The following PKN2 variants were observed in gnomAD, a reference collection of about 807,000 sequenced individuals.
The protein encoded by PKN2 is protein kinase N2, also known as serine/threonine-protein kinase N2.
A neutral mutation model predicts 119.1 loss-of-function variants in PKN2; 38 were observed. That is an observed-to-expected ratio of 0.32 (90% CI 0.25 to 0.42). PKN2 has a LOEUF of 0.42. Among genes scored for constraint, PKN2 ranks in the 10% least tolerant of loss-of-function variants. PKN2 has a pLI of 1.00. For missense variants in PKN2, 850 were observed against 1,165.1 expected (o/e 0.73, Z 3.94); for synonymous variants, 390 against 384.9 (o/e 1.01, Z -0.15).
At chr1:88,820,222 A>G (rs1672206333) in intron 16 of PKN2, among the ~76,000 whole-genome samples, 1 of 111,434 alleles carries the variant, frequency 9.0e-6, no homozygotes, top group Non-Finnish European at 1.7e-5. Context: ...ATATATATAT[A>G]TATATATATA....
chr1:88,821,414 T>C (rs1336174967), intron 16 of PKN2, among the ~76,000 whole-genome samples: 1 of 152,206 alleles, frequency 6.6e-6, no homozygotes, highest in Non-Finnish European at 1.5e-5. Flanking sequence ...GGTTTGATTC[T>C]CTGTCACTAA....
intron 1 of PKN2, among the ~76,000 whole-genome samples, chr1:88,727,130 A>G (rs553316768): frequency 6.9e-6 from 1 of 144,258 alleles, no homozygotes; most frequent in South Asian, 2.2e-4. Context: ...TGTATTGTTA[A>G]TGTCATCTTG....
intron 2 of PKN2, among the ~76,000 whole-genome samples, chr1:88,757,037 A>T (rs2100774772): frequency 6.6e-6 from 1 of 152,248 alleles, no homozygotes; most frequent in South Asian, 2.1e-4. Context: ...TACTAGATAT[A>T]TACTAAGTTG....
At chr1:88,775,110 G>A (rs1670042113) in intron 6 of PKN2, among the ~76,000 whole-genome samples, 1 of 151,878 alleles carries the variant, frequency 6.6e-6, no homozygotes, top group African/African-American at 2.4e-5. Flanking sequence ...GAGTACAGGT[G>A]CACACCACCA....
At position 88,707,095 on chromosome 1, in the gene PKN2, C is replaced by CT. The variant is rs949895266; in HGVS notation, c.48+22477dup. Among the ~76,000 whole-genome samples, 116 of 148,342 alleles carry CT rather than the reference C, an allele frequency of 7.8e-4. 1 individual carries two copies. The highest frequency in any genetic ancestry group is 6.7e-3 in the Admixed American group (99 of 14,824). On this transcript the variant is annotated intron_variant, in intron 1 of 21. Coordinates refer to ENST00000370521, the MANE Select transcript of PKN2 (RefSeq NM_006256.4). ...AGAAGTAGCAGTCTCCTCTCATACA[C>CT]TTTTTTTTTTAATTAGGAAATATTT...
At chr1:88,768,032 A>T (rs1305766515) in intron 3 of PKN2, among the ~76,000 whole-genome samples, 1 of 133,486 alleles carries the variant, frequency 7.5e-6, no homozygotes, top group Non-Finnish European at 1.5e-5. Flanking sequence ...AAAAATAGAG[A>T]TGCTTAAATA....
intron 1 of PKN2, 28 bp downstream of exon 1, chr1:88,684,656 G>A (rs1378218133): frequency 1.3e-6 from 2 of 1,501,372 alleles, no homozygotes; most frequent in South Asian, 2.5e-5. Flanking sequence ...GGTGAGAGGC[G>A]CTGGCGGAGG....
At chr1:88,785,836 C>T (rs1380391482) in intron 7 of PKN2, among the ~76,000 whole-genome samples, 1 of 152,130 alleles carries the variant, frequency 6.6e-6, no homozygotes, top group African/African-American at 2.4e-5. Context: ...CAAACAACTA[C>T]TATTTATCTG....
chr1:88,770,580 TTTTTTTTTTTTC>T, intron 4 of PKN2, 111 bp downstream of exon 4: 1 of 646,536 alleles, frequency 1.5e-6, no homozygotes, highest in South Asian at 2.2e-5. Flanking sequence ...ACTATTACTT[TTTTTTTTTTTTC>T]TTTTTTTTTT....
intron 6 of PKN2, among the ~76,000 whole-genome samples, chr1:88,772,797 T>A (rs532387197): frequency 6.6e-6 from 1 of 152,348 alleles, no homozygotes; most frequent in Non-Finnish European, 1.5e-5. Flanking sequence ...AACAGTAATG[T>A]ATAAAGTGGG....
chr1:88,807,489 A>G, intron 13 of PKN2, 40 bp from the exon 14 acceptor site: 3 of 1,603,308 alleles, frequency 1.9e-6, no homozygotes, highest in Non-Finnish European at 1.7e-6. Flanking sequence ...TTGGTACCAT[A>G]CTTTATTGTC....
At chr1:88,705,885 A>G (rs1374647063) in intron 1 of PKN2, among the ~76,000 whole-genome samples, 1 of 151,430 alleles carries the variant, frequency 6.6e-6, no homozygotes, top group Non-Finnish European at 1.5e-5. Context: ...TGCTGTTTTG[A>G]TTATTGGTGC....
chr1:88,748,080 T>C (rs1668838417), intron 2 of PKN2, among the ~76,000 whole-genome samples: 1 of 152,216 alleles, frequency 6.6e-6, no homozygotes, highest in African/African-American at 2.4e-5. Flanking sequence ...ATACTTGAAT[T>C]CTTTTTATGA....
chr1:88,773,040 C>T lies in PKN2; in HGVS notation c.985+1161C>T, dbSNP rs534935587. 2.0e-5 allele frequency among the ~76,000 whole-genome samples: 3 copies of T among 152,186 alleles called. No homozygotes were observed. In the South Asian group the frequency reaches 6.2e-4, roughly 32 times the overall value. On this transcript the variant is annotated intron_variant, in intron 6 of 21. Coordinates refer to ENST00000370521, the MANE Select transcript of PKN2 (RefSeq NM_006256.4). ...TCTTCTAGACGGATTGACTCCTTTA[C>T]CTTTACCTTAACTCCTTTATAATGT...
intron 12 of PKN2, among the ~76,000 whole-genome samples, chr1:88,806,696 T>A (rs1224497716): frequency 6.6e-6 from 1 of 152,164 alleles, no homozygotes; most frequent in Non-Finnish European, 1.5e-5. Flanking sequence ...ACATACATAA[T>A]AATGTGTTAG....
chr1:88,769,940 A>C (rs1035375607), intron 3 of PKN2, among the ~76,000 whole-genome samples: 5 of 152,160 alleles, frequency 3.3e-5, no homozygotes, highest in Middle Eastern at 3.2e-3. Flanking sequence ...TAAGAGAGTA[A>C]ATTTTAGGTA....
At chr1:88,816,474 T>C (rs2100902124) in intron 16 of PKN2, among the ~76,000 whole-genome samples, 1 of 152,224 alleles carries the variant, frequency 6.6e-6, no homozygotes, top group East Asian at 1.9e-4. Flanking sequence ...CTCAAACTCC[T>C]GACCTCAGGT....
In PKN2 at chr1:88,751,756, A is replaced by G. The variant is rs138360749; in HGVS notation, c.350-8466A>G. Among the ~76,000 whole-genome samples the G allele has an allele frequency of 7.0e-3, 1,067 of 152,188 alleles. 14 individuals carry two copies. Among genetic ancestry groups the G allele is most frequent in the African/African-American group, 0.024 (1,011 of 41,562 alleles). ...CTATTTCTTCATGCTTCTCAGACCT[A>G]CCTTCTAGAGTGATCTTTTCTTGTA... On this transcript the variant is annotated intron_variant, in intron 2 of 21. Transcript: ENST00000370521.
At chr1:88,706,863 A>G (rs892922084) in intron 1 of PKN2, among the ~76,000 whole-genome samples, 2 of 152,096 alleles carry the variant, frequency 1.3e-5, no homozygotes, top group African/African-American at 4.8e-5. Flanking sequence ...ATTTGTGGAC[A>G]TTTGTCCAGA....
Sources: gnomAD v4.1 joint callset for allele counts (sites outside exome capture counted in the v4.1 genomes callset) on GRCh38, gnomAD v4.1.1 for gene constraint, MANE v1.5 for transcripts, NCBI Gene and HGNC (gene_info 2026-07-23, HGNC 2026-07-21) for gene names.